The following MRPS28 variants were observed in gnomAD, a reference collection of about 807,000 sequenced individuals.
MRPS28 encodes small ribosomal subunit protein bS1m.
A neutral mutation model predicts 10.8 loss-of-function variants in MRPS28; 7 were observed. The ratio of observed to expected loss-of-function variants is 0.65; its 90% CI spans 0.37 to 1.22. The LOEUF (loss-of-function observed/expected upper bound fraction) is 1.22, where lower values mean the gene tolerates loss of function less well. MRPS28 is among the 50% of genes most tolerant of loss of function. The probability of loss-of-function intolerance (pLI) is 0.02; values close to 1 mark genes in which losing one functional copy is unlikely to be tolerated. For synonymous variants in MRPS28, 121 were observed against 93.3 expected, an observed-to-expected ratio of 1.30 and a Z score of -1.71; for missense variants, 265 against 232.9, an observed-to-expected ratio of 1.14 and a Z score of -0.90.
At chr8:79,949,781 G>A (rs1563523978) in intron 2 of MRPS28, among the ~76,000 whole-genome samples, 1 of 152,200 alleles carries the variant, frequency 6.6e-6, no homozygotes, top group African/African-American at 2.4e-5. Flanking sequence ...ACAGGACAAA[G>A]GGAAGCTCAA....
At chr8:79,970,755 T>C (rs926730772) in intron 2 of MRPS28, among the ~76,000 whole-genome samples, 1 of 152,154 alleles carries the variant, frequency 6.6e-6, no homozygotes, top group Non-Finnish European at 1.5e-5. Context: ...GCAAATAATA[T>C]ACTAGGTCTC....
chr8:80,014,728 T>C (rs1809151020), intron 1 of MRPS28, among the ~76,000 whole-genome samples: 1 of 152,232 alleles, frequency 6.6e-6, no homozygotes, highest in South Asian at 2.1e-4. Context: ...CTTTAGCTTC[T>C]TTAAAAATTA....
At chr8:79,989,030 A>G (rs550813417) in intron 2 of MRPS28, among the ~76,000 whole-genome samples, 1 of 152,328 alleles carries the variant, frequency 6.6e-6, no homozygotes, top group East Asian at 1.9e-4. Flanking sequence ...GAATAATACA[A>G]AGCAGTTAAG....
Position 80,003,106 on chromosome 8 carries a change from C to T in MRPS28, c.288G>A (p.Lys96=). ...HSPLTQMGPA[K]DKLVIGRIFH... is the part of the protein sequence containing the mutation. The stretch of plus-strand genomic sequence containing the variant: ...AGATCCGTCCAATGACCAGTTTATC[C>T]TTTGCAGGTCCCATCTGTGTAAGAG... The change falls in exon 2 of 3, where the codon AAG becomes AAA. Residue 96 remains lysine, a synonymous_variant. Transcript: ENST00000276585. The T allele has an allele frequency of 6.2e-7, 1 of 1,613,632 alleles. No homozygotes were observed. Among genetic ancestry groups the T allele is most frequent in the East Asian group, 2.2e-5 (1 of 44,850 alleles).
At chr8:79,988,491 A>T (rs1021538372) in intron 2 of MRPS28, among the ~76,000 whole-genome samples, 4 of 151,530 alleles carry the variant, frequency 2.6e-5, no homozygotes, top group African/African-American at 9.7e-5. Flanking sequence ...TGATATATTT[A>T]TGGAAAAATA....
intron 2 of MRPS28, among the ~76,000 whole-genome samples, chr8:79,950,661 T>A (rs551774696): frequency 6.6e-6 from 1 of 152,346 alleles, no homozygotes; most frequent in South Asian, 2.1e-4. Context: ...ATAGCTAATT[T>A]AATGAATAAA....
At chr8:79,942,642 T>C (rs1806800207) in intron 2 of MRPS28, among the ~76,000 whole-genome samples, 1 of 152,220 alleles carries the variant, frequency 6.6e-6, no homozygotes, top group Non-Finnish European at 1.5e-5. Context: ...CAACAGTTCT[T>C]ATGAATACCA....
In MRPS28 at chr8:80,007,102, C is replaced by T. The variant is rs187544919; in HGVS notation, c.214-3922G>A. Among the ~76,000 whole-genome samples, 480 of 152,250 alleles carry T rather than the reference C, an allele frequency of 3.2e-3. 1 individual carries two copies. The highest frequency in any genetic ancestry group is 0.011 in the African/African-American group (464 of 41,548). The stretch of plus-strand genomic sequence containing the variant: ...TCAAGTAGGCTTCATTCCTGGGATG[C>T]AAGGCTGGTTCAACATATGCAAATC... On this transcript the variant is annotated intron_variant, in intron 1 of 2. Transcript: ENST00000276585.
intron 2 of MRPS28, among the ~76,000 whole-genome samples, chr8:79,949,409 G>A (rs1319406800): frequency 1.4e-5 from 2 of 140,850 alleles, no homozygotes; most frequent in Admixed American, 7.2e-5. Context: ...GTGAGACTCC[G>A]TCTCAAAAAA....
chr8:79,926,441 G>C (rs1654380317), intron 2 of MRPS28, among the ~76,000 whole-genome samples: 2 of 152,126 alleles, frequency 1.3e-5, no homozygotes, highest in Admixed American at 1.3e-4. Flanking sequence ...GAGGCTTAAG[G>C]CATTAAGGTA....
intron 2 of MRPS28, among the ~76,000 whole-genome samples, chr8:79,927,557 A>G (rs2129875036): frequency 6.6e-6 from 1 of 152,266 alleles, no homozygotes; most frequent in East Asian, 1.9e-4. Context: ...TTACTTATTA[A>G]ATAGGTATTG....
chr8:79,946,489 C>T (rs1183320544), intron 2 of MRPS28, among the ~76,000 whole-genome samples: 2 of 151,956 alleles, frequency 1.3e-5, no homozygotes, highest in Non-Finnish European at 2.9e-5. Context: ...AGAAAAAGAA[C>T]CAATTTGCCA....
intron 2 of MRPS28, among the ~76,000 whole-genome samples, chr8:79,927,963 G>A (rs1359959546): frequency 6.6e-6 from 1 of 152,150 alleles, no homozygotes; most frequent in Non-Finnish European, 1.5e-5. Flanking sequence ...CCAGGGAGCA[G>A]AAGGGGAAAG....
intron 2 of MRPS28, among the ~76,000 whole-genome samples, chr8:79,997,400 C>CACAGAG: frequency 6.6e-6 from 1 of 152,280 alleles, no homozygotes; most frequent in East Asian, 1.9e-4. Flanking sequence ...CTCTGCTCTT[C>CACAGAG]CTCACATAAC....
intron 2 of MRPS28, among the ~76,000 whole-genome samples, chr8:79,940,338 T>TA (rs965632399): frequency 3.9e-5 from 6 of 152,240 alleles, no homozygotes; most frequent in Admixed American, 1.3e-4. Flanking sequence ...TACTTTGGTT[T>TA]AAAATCATTA....
At chr8:79,967,433 T>C (rs1310557187) in intron 2 of MRPS28, among the ~76,000 whole-genome samples, 1 of 152,190 alleles carries the variant, frequency 6.6e-6, no homozygotes, top group Non-Finnish European at 1.5e-5. Flanking sequence ...GGACTTGGAT[T>C]GGTTCCAGCT....
At chr8:79,934,193 C>T (rs1806544893) in intron 2 of MRPS28, among the ~76,000 whole-genome samples, 1 of 152,080 alleles carries the variant, frequency 6.6e-6, no homozygotes, top group Non-Finnish European at 1.5e-5. Context: ...TTCCTCGTAA[C>T]CAGGTTATTA....
intron 2 of MRPS28, among the ~76,000 whole-genome samples, chr8:79,932,759 A>G (rs916510339): frequency 8.5e-5 from 13 of 152,224 alleles, no homozygotes; most frequent in Admixed American, 3.3e-4. Flanking sequence ...AGCAAGAGAG[A>G]GGCTGTGCTG....
chr8:79,921,382 G>GT (rs1342472602), intron 2 of MRPS28, among the ~76,000 whole-genome samples: 1 of 152,114 alleles, frequency 6.6e-6, no homozygotes, highest in Non-Finnish European at 1.5e-5. Context: ...ACCTTGGGCA[G>GT]TATGGCCATT....
Sources: allele counts gnomAD v4.1 joint callset (sites outside exome capture counted in the v4.1 genomes callset), GRCh38; gene constraint gnomAD v4.1.1; transcripts MANE v1.5; gene names NCBI Gene and HGNC (gene_info 2026-07-23, HGNC 2026-07-21).